The following BMP1 variants were observed in gnomAD, a reference collection of about 807,000 sequenced individuals.
BMP1 encodes mammalian tolloid protein.
BMP1 carries 63 observed loss-of-function variants against 116.8 expected under a neutral mutation model. The observed-to-expected ratio is 0.54, with a 90% CI of 0.44 to 0.67. BMP1 has a LOEUF of 0.67. Ranked by LOEUF, BMP1 falls within the 30% of genes least tolerant of loss-of-function variation. BMP1 has a pLI of 0.00. For missense variants in BMP1, 1,183 were observed against 1,358.9 expected, an observed-to-expected ratio of 0.87 and a Z score of 2.04; for synonymous variants, 536 against 533.4, an observed-to-expected ratio of 1.00 and a Z score of -0.07.
intron 13 of BMP1, 91 bp from the exon 14 acceptor site, chr8:22,196,589 A>G (rs1477631704): frequency 6.3e-6 from 10 of 1,576,720 alleles, no homozygotes; most frequent in Non-Finnish European, 8.6e-6. Context: ...CAGGCTCCCC[A>G]TCTTCTCCTT....
rs565435192 is a variant in BMP1, at chr8:22,199,157, A to G, written c.2107+1737A>G. 46 of 1,366,952 alleles carry G rather than the reference A, an allele frequency of 3.4e-5. No individual in the cohort carries two copies. The South Asian group carries it at 4.8e-4, about 14-fold the overall frequency. The allele number at this position is 1,366,952 out of a possible 1,614,324, so 84.7% of individuals were successfully genotyped here. ...GACACACACGCCCACACGCACACACATGTGCACACACATTGCCCCATCGCA... is the reference window on the plus strand; with the variant it reads ...GACACACACGCCCACACGCACACACGTGTGCACACACATTGCCCCATCGCA... On this transcript the variant is annotated intron_variant, in intron 15 of 19. Transcript: ENST00000306385.
In BMP1 at chr8:22,194,523, A is replaced by G. The variant is rs1393877677; in HGVS notation, c.1376A>G (p.Lys459Arg). Residue 459 changes from lysine to arginine, a missense_variant, in exon 11 of 20, where the codon AAA (lysine) becomes AGA (arginine). Physicochemically the swap from Lys to Arg is conservative, Grantham distance 26. Transcript: ENST00000306385. The surrounding 1 kb of genome is among the most constrained non-coding windows in gnomAD (Gnocchi z 4.5). Reference sequence around the variant, plus strand: ...TACCCAGACGATTACCGGCCCAGCAAAGTCTGCATCTGGCGGATCCAGGTG... The same window carrying G: ...TACCCAGACGATTACCGGCCCAGCAGAGTCTGCATCTGGCGGATCCAGGTG... ...PNYPDDYRPS[K>R]VCIWRIQVSE... is the part of the protein sequence containing the mutation. 2 of 1,614,052 alleles carry G rather than the reference A, an allele frequency of 1.2e-6. No individual in the cohort carries two copies. The highest frequency in any genetic ancestry group is 1.7e-6 in the Non-Finnish European group (2 of 1,180,038).
chr8:22,204,502 T>A (rs1218003919), intron 16 of BMP1, among the ~76,000 whole-genome samples: 1 of 152,034 alleles, frequency 6.6e-6, no homozygotes. Context: ...GGGGGCAGAT[T>A]GCCTGAGCTC....
intron 14 of BMP1, 43 bp downstream of exon 14, chr8:22,196,883 G>A (rs1459927631): frequency 1.9e-6 from 3 of 1,580,968 alleles, no homozygotes; most frequent in Admixed American, 1.7e-5. Context: ...GAAGCTGTGA[G>A]GCGTGGGCAT....
At chr8:22,204,406 T>C (rs1829315838) in intron 16 of BMP1, among the ~76,000 whole-genome samples, 1 of 152,170 alleles carries the variant, frequency 6.6e-6, no homozygotes, top group African/African-American at 2.4e-5. Context: ...AATGTCATCA[T>C]GAATAATGAT....
intron 16 of BMP1, among the ~76,000 whole-genome samples, chr8:22,206,442 C>T (rs1399160363): frequency 1.3e-5 from 2 of 150,478 alleles, no homozygotes; most frequent in Admixed American, 6.6e-5. Flanking sequence ...GTGGAGGTTG[C>T]AGTGAGCCGA....
At chr8:22,184,193 G>A (rs534276116) in intron 8 of BMP1, among the ~76,000 whole-genome samples, 1 of 152,356 alleles carries the variant, frequency 6.6e-6, no homozygotes, top group South Asian at 2.1e-4. Context: ...GAGCAGTGGA[G>A]TCAGGTGGCA....
chr8:22,189,243 T>C (rs1182693916), intron 8 of BMP1, among the ~76,000 whole-genome samples: 1 of 152,066 alleles, frequency 6.6e-6, no homozygotes, highest in Non-Finnish European at 1.5e-5. Context: ...TATGTATATA[T>C]ATACAAGACA....
At chr8:22,199,215 A>G (rs746480402) in intron 15 of BMP1, 19 of 1,367,426 alleles carry the variant, frequency 1.4e-5, no homozygotes, top group Non-Finnish European at 1.8e-5. Flanking sequence ...CACTGGGGGC[A>G]TCGAGGCTCA....
intron 1 of BMP1, among the ~76,000 whole-genome samples, chr8:22,172,375 G>A (rs1828305054): frequency 6.6e-6 from 1 of 151,972 alleles, no homozygotes; most frequent in Admixed American, 6.6e-5. Context: ...AGACAGTTCA[G>A]CCGGGTCTCT....
At chr8:22,177,511 C>T in intron 5 of BMP1, 1 of 714,058 alleles carries the variant, frequency 1.4e-6, no homozygotes, top group Non-Finnish European at 2.6e-6. Context: ...GAGGGCTTTT[C>T]TCTCATTTTC....
intron 5 of BMP1, 22 bp from the exon 6 acceptor site, chr8:22,177,830 A>C (rs768797694): frequency 1.3e-6 from 2 of 1,541,760 alleles, no homozygotes; most frequent in Non-Finnish European, 1.8e-6. Flanking sequence ...CTCCCCCCAC[A>C]CCCTTTTCCT....
chr8:22,166,655 C>T (rs148498061), intron 1 of BMP1, among the ~76,000 whole-genome samples: 23 of 152,250 alleles, frequency 1.5e-4, no homozygotes, highest in Admixed American at 9.2e-4. Context: ...GCACCAGGGG[C>T]GGAGGGGCAG....
intron 8 of BMP1, among the ~76,000 whole-genome samples, chr8:22,187,208 C>T (rs1828797688): frequency 6.6e-6 from 1 of 152,054 alleles, no homozygotes; most frequent in African/African-American, 2.4e-5. Context: ...CCAGGCTAGT[C>T]TCAAACTCCT....
Position 22,206,763 on chromosome 8 carries a change from G to A in BMP1, c.2234-91G>A, listed in dbSNP as rs943498920. On this transcript the variant is annotated intron_variant, in intron 16 of 19. Transcript: ENST00000306385. ...AAGTGGGACAAGAGATGGAAGAAAG[G>A]AGGGGGGGCAGGAGGGAAGGGCCTT... 4 of 1,545,568 alleles carry A rather than the reference G, an allele frequency of 2.6e-6. No homozygotes were observed. In the Admixed American group the frequency reaches 6.9e-5, roughly 27 times the overall value.
At chr8:22,200,989 T>TTCCCCC in intron 15 of BMP1, 6 of 137,110 alleles carry the variant, frequency 4.4e-5, no homozygotes, top group South Asian at 1.1e-4. Flanking sequence ...CCGCCTGCCC[T>TTCCCCC]CCCGCCCCAC....
chr8:22,191,808 A>G (rs1302273097), intron 8 of BMP1, among the ~76,000 whole-genome samples: 1 of 152,252 alleles, frequency 6.6e-6, no homozygotes, highest in Non-Finnish European at 1.5e-5. Flanking sequence ...AGCTGGAGCC[A>G]GGGGTTCTAC....
chr8:22,210,460 T>TCA (rs1352263590), intron 19 of BMP1, among the ~76,000 whole-genome samples: 2 of 113,294 alleles, frequency 1.8e-5, no homozygotes, highest in Admixed American at 8.4e-5. Context: ...TCTCTCTCTC[T>TCA]CTCTCTCTCA....
At chr8:22,199,729 C>A (rs1035657539) in intron 15 of BMP1, among the ~76,000 whole-genome samples, 1 of 152,108 alleles carries the variant, frequency 6.6e-6, no homozygotes, top group Admixed American at 6.5e-5. Flanking sequence ...CTTAGTGAAC[C>A]CCAGGATGGC....
Sources: gnomAD v4.1 joint callset for allele counts (sites outside exome capture counted in the v4.1 genomes callset) on GRCh38, gnomAD v4.1.1 for gene constraint, Gnocchi (gnomAD v3.1) non-coding constraint, MANE v1.5 for transcripts, NCBI Gene and HGNC (gene_info 2026-07-23, HGNC 2026-07-21) for gene names.